Variants in SH3RF1 observed in about 807,000 individuals in gnomAD.
SH3RF1 encodes E3 ubiquitin-protein ligase SH3RF1.
In SH3RF1, 32 loss-of-function variants were observed where a neutral mutation model predicts 74.0. The ratio of observed to expected loss-of-function variants is 0.43; its 90% confidence interval spans 0.33 to 0.58. The LOEUF is 0.58. SH3RF1 is among the 20% of genes least tolerant of loss of function. SH3RF1 has a pLI of 0.05. For synonymous variants in SH3RF1, 396 were observed against 439.6 expected, an observed-to-expected ratio of 0.90 and a Z score of 1.24; for missense variants, 954 against 1,130.9, an observed-to-expected ratio of 0.84 and a Z score of 2.24.
At chr4:169,252,907 G>A (rs1385352297) in intron 2 of SH3RF1, among the ~76,000 whole-genome samples, 2 of 152,150 alleles carry the variant, frequency 1.3e-5, no homozygotes, top group African/African-American at 4.8e-5. Flanking sequence ...ACAAAAATAT[G>A]ACTCTAGCTA....
At chr4:169,269,778 G>C (rs1731415312) in intron 1 of SH3RF1, 1 of 152,180 alleles carries the variant, frequency 6.6e-6, no homozygotes. Flanking sequence ...TCATGTAATC[G>C]CTCGTGGTAA....
At chr4:169,182,796 T>C (rs1734533834) in intron 2 of SH3RF1, among the ~76,000 whole-genome samples, 1 of 152,168 alleles carries the variant, frequency 6.6e-6, no homozygotes, top group South Asian at 2.1e-4. Flanking sequence ...CTCTGTTTCC[T>C]TGAAGAGATT....
intron 11 of SH3RF1, among the ~76,000 whole-genome samples, chr4:169,099,521 T>C (rs1433972635): frequency 1.3e-5 from 2 of 152,216 alleles, no homozygotes; most frequent in Non-Finnish European, 2.9e-5. Context: ...AGTTGCCATG[T>C]GGGGCAAGTT....
chr4:169,214,685 A>G (rs1358111729), intron 2 of SH3RF1, among the ~76,000 whole-genome samples: 6 of 151,948 alleles, frequency 3.9e-5, no homozygotes, highest in South Asian at 2.1e-4. Context: ...ATATATGTGT[A>G]TATATATATA....
At chr4:169,219,712 T>C (rs1046903214) in intron 2 of SH3RF1, among the ~76,000 whole-genome samples, 4 of 152,212 alleles carry the variant, frequency 2.6e-5, no homozygotes, top group Admixed American at 6.5e-5. Context: ...ACTCAAGAAC[T>C]GTATTCATGC....
intron 2 of SH3RF1, among the ~76,000 whole-genome samples, chr4:169,159,657 C>T (rs1294785499): frequency 1.3e-5 from 2 of 152,208 alleles, no homozygotes; most frequent in Admixed American, 1.3e-4. Flanking sequence ...GTACATGCTA[C>T]ATGTGTGAAC....
At chr4:169,111,299 G>A (rs374783049) in intron 10 of SH3RF1, among the ~76,000 whole-genome samples, 17 of 149,568 alleles carry the variant, frequency 1.1e-4, no homozygotes, top group African/African-American at 3.4e-4. Flanking sequence ...CTGTCACCCA[G>A]GCTGGAGTGC....
intron 2 of SH3RF1, 84 bp from the exon 3 acceptor site, chr4:169,156,763 T>C: frequency 7.3e-7 from 1 of 1,364,928 alleles, no homozygotes; most frequent in Non-Finnish European, 9.9e-7. Flanking sequence ...GTCATTGTTT[T>C]AAAGTCAAAG....
intron 2 of SH3RF1, among the ~76,000 whole-genome samples, chr4:169,215,727 A>G (rs1040026010): frequency 6.6e-6 from 1 of 151,998 alleles, no homozygotes. Flanking sequence ...TTATCTATAA[A>G]TATGTGGGAT....
Position 169,204,959 on chromosome 4 carries a change from G to A in SH3RF1, c.394-48280C>T, listed in dbSNP as rs1055668151. 2.6e-5 allele frequency among the ~76,000 whole-genome samples: 4 copies of A among 152,216 alleles called. No homozygotes were observed. In the East Asian group the frequency reaches 7.7e-4, roughly 29 times the overall value. On this transcript the variant is annotated intron_variant, in intron 2 of 11. Coordinates refer to ENST00000284637, the MANE Select transcript of SH3RF1 (RefSeq NM_020870.4). ...TTGCTGATTTTTAAAAAGGCTTCAC[G>A]AGAGGACTGAAGTTTCTTTTTCTGG...
chr4:169,118,045 C>T (rs936009487), intron 8 of SH3RF1, among the ~76,000 whole-genome samples: 3 of 152,202 alleles, frequency 2.0e-5, no homozygotes, highest in Non-Finnish European at 4.4e-5. Flanking sequence ...TTCAGCTTTC[C>T]ATAACAAGAC....
chr4:169,165,175 CAG>C (rs1470270831), intron 2 of SH3RF1, among the ~76,000 whole-genome samples: 1 of 152,162 alleles, frequency 6.6e-6, no homozygotes, highest in African/African-American at 2.4e-5. Context: ...ATTTGAAAAA[CAG>C]ATTCCTGGCA....
chr4:169,232,403 G>A (rs1429016899), intron 2 of SH3RF1, among the ~76,000 whole-genome samples: 1 of 152,168 alleles, frequency 6.6e-6, no homozygotes, highest in East Asian at 1.9e-4. Context: ...ACTCTGTGTG[G>A]CGTGACAACT....
intron 2 of SH3RF1, among the ~76,000 whole-genome samples, chr4:169,187,821 C>G (rs1341861502): frequency 6.6e-6 from 1 of 152,100 alleles, no homozygotes; most frequent in African/African-American, 2.4e-5. Flanking sequence ...AAATTCATAT[C>G]TAGCTGGTAC....
chr4:169,120,460 A>T (rs1382173804), intron 8 of SH3RF1, among the ~76,000 whole-genome samples: 1 of 152,268 alleles, frequency 6.6e-6, no homozygotes, highest in African/African-American at 2.4e-5. Context: ...GGCATATAGT[A>T]CGCATTATAT....
At chr4:169,116,121 C>T (rs1274959932) in intron 10 of SH3RF1, 148 bp downstream of exon 10, 1 of 1,125,112 alleles carries the variant, frequency 8.9e-7, no homozygotes, top group Non-Finnish European at 1.2e-6. Flanking sequence ...CTACTCCTAG[C>T]ACCTGGCATA....
At chr4:169,239,836 C>T (rs1276278112) in intron 2 of SH3RF1, among the ~76,000 whole-genome samples, 1 of 152,046 alleles carries the variant, frequency 6.6e-6, no homozygotes, top group African/African-American at 2.4e-5. Flanking sequence ...GCTTGGACAA[C>T]ATGGTGAAAC....
chr4:169,246,611 T>C (rs1730997712), intron 2 of SH3RF1, among the ~76,000 whole-genome samples: 1 of 152,268 alleles, frequency 6.6e-6, no homozygotes, highest in African/African-American at 2.4e-5. Flanking sequence ...CCTCCCAATC[T>C]TAGCTGATGC....
chr4:169,225,264 A>G (rs928191433), intron 2 of SH3RF1, among the ~76,000 whole-genome samples: 2 of 152,176 alleles, frequency 1.3e-5, no homozygotes, highest in Non-Finnish European at 2.9e-5. Context: ...GGCTTCAGAC[A>G]TATTAGGTTT....
Sources: allele counts gnomAD v4.1 joint callset (sites outside exome capture counted in the v4.1 genomes callset), GRCh38; gene constraint gnomAD v4.1.1; transcripts MANE v1.5; gene names NCBI Gene and HGNC (gene_info 2026-07-23, HGNC 2026-07-21).